Variants in SLC6A18 observed in about 807,000 individuals in gnomAD.
The protein encoded by SLC6A18 is solute carrier family 6 member 18.
In SLC6A18, 58 loss-of-function variants were observed where a neutral mutation model predicts 62.9. The ratio of observed to expected loss-of-function variants is 0.92; its 90% CI spans 0.75 to 1.15. The LOEUF is 1.15. Among genes scored for constraint, SLC6A18 ranks in the 50% most tolerant of loss-of-function variants. The pLI, the probability that SLC6A18 is intolerant of heterozygous loss-of-function variation, is 0.00. For missense variants in SLC6A18, 793 were observed against 836.6 expected (o/e 0.95, Z 0.64); for synonymous variants, 382 against 365.8 (o/e 1.04, Z -0.51).
chr5:1,244,199 T>A lies in SLC6A18; in HGVS notation c.1337-15T>A. ...CCATCCCCTTACCCCCCACACCCCT[T>A]TCCCACTGCCCCAGGGCTGGTCTGC... On this transcript the variant is annotated splice_polypyrimidine_tract_variant and intron_variant, in intron 9 of 11. Transcript: ENST00000324642. 1 of 1,045,472 alleles carries A rather than the reference T, an allele frequency of 9.6e-7. No individual in the cohort carries two copies. Among genetic ancestry groups the A allele is most frequent in the South Asian group, 1.3e-5 (1 of 79,544 alleles). 64.8% of individuals were successfully genotyped at this position (1,045,472 alleles called of 1,614,324 possible).
intron 5 of SLC6A18, among the ~76,000 whole-genome samples, chr5:1,238,394 G>A (rs1485083426): frequency 1.7e-3 from 83 of 50,138 alleles, no homozygotes; most frequent in African/African-American, 5.7e-3. Flanking sequence ...CAGGAAAGAG[G>A]TCAGGTTTGG....
chr5:1,235,500 G>A lies in SLC6A18; in HGVS notation c.459G>A (p.Gln153=), dbSNP rs1746858436. The A allele has an allele frequency of 2.5e-6, 4 of 1,613,830 alleles. No individual in the cohort carries two copies. The Admixed American group carries it at 6.7e-5, about 27-fold the overall frequency. Residue 153 remains glutamine (Q), a synonymous_variant, in exon 4 of 12, where the codon CAG becomes CAA. Transcript: ENST00000324642. ...LNRTGFVEEC[Q]GSSAVSYFWY... ...TTTCAGGGTTTGTGGAGGAGTGCCAGGGCAGCAGCGCCGTGAGCTACTTCT... is the reference window on the plus strand; with the variant it reads ...TTTCAGGGTTTGTGGAGGAGTGCCAAGGCAGCAGCGCCGTGAGCTACTTCT...
At chr5:1,231,520 C>G (rs1333871019) in intron 1 of SLC6A18, among the ~76,000 whole-genome samples, 3 of 152,154 alleles carry the variant, frequency 2.0e-5, no homozygotes, top group Admixed American at 6.5e-5. Context: ...CCCCGGGTTC[C>G]TCGTGGGAAC....
At chr5:1,234,405 G>T (rs891460686) in intron 3 of SLC6A18, among the ~76,000 whole-genome samples, 4 of 152,176 alleles carry the variant, frequency 2.6e-5, no homozygotes, top group Admixed American at 6.5e-5. Flanking sequence ...AGGGTGGGTG[G>T]TCCTGCCAGG....
At chr5:1,234,006 G>C (rs1216430740) in intron 3 of SLC6A18, among the ~76,000 whole-genome samples, 1 of 152,108 alleles carries the variant, frequency 6.6e-6, no homozygotes. Context: ...CTCCCAAAGT[G>C]CTGGGATTAC....
At chr5:1,239,407 T>G (rs375545479) in intron 5 of SLC6A18, 43 bp from the exon 6 acceptor site, 612 of 1,463,818 alleles carry the variant, frequency 4.2e-4, no homozygotes, top group Non-Finnish European at 5.6e-4. Flanking sequence ...CCAGCTCATG[T>G]GGTTTGCCTG....
chr5:1,240,489 T>A, intron 6 of SLC6A18, 42 bp from the exon 7 acceptor site: 1 of 1,610,694 alleles, frequency 6.2e-7, no homozygotes, highest in Non-Finnish European at 8.5e-7. Flanking sequence ...GAGGCCCAGT[T>A]ACCTCCTGCA....
rs749930820 is a variant in SLC6A18, at chr5:1,244,304, C to T, written c.1427C>T (p.Ala476Val). Residue 476 changes from alanine to valine, a missense_variant, in exon 10 of 12, where the codon GCT (alanine) becomes GTT (valine). By Grantham distance (64) the Ala-to-Val change is moderately conservative (BLOSUM62 0). Coordinates refer to ENST00000324642, the MANE Select transcript of SLC6A18 (RefSeq NM_182632.3). Reference protein sequence around the residue: ...YWLEIFDNFAASPNLLMLAFL... With the variant: ...YWLEIFDNFAVSPNLLMLAFL... Reference sequence around the variant, plus strand: ...CTGGAGATTTTCGACAATTTTGCCGCTTCCCCGAACCTGCTCATGTTGGCC... The same window carrying T: ...CTGGAGATTTTCGACAATTTTGCCGTTTCCCCGAACCTGCTCATGTTGGCC... 1.2e-6 allele frequency: 2 copies of T among 1,614,110 alleles called. No individual in the cohort carries two copies. The highest frequency in any genetic ancestry group is 4.5e-5 in the East Asian group (2 of 44,854).
intron 3 of SLC6A18, 41 bp from the exon 4 acceptor site, chr5:1,235,440 T>G (rs757092922): frequency 8.7e-6 from 14 of 1,600,902 alleles, no homozygotes; most frequent in Non-Finnish European, 1.1e-5. Context: ...TGAGGGTGCC[T>G]ACGCCCCACA....
Position 1,243,754 on chromosome 5 carries a change from T to C in SLC6A18, c.1331T>C (p.Leu444Pro). 6.2e-7 allele frequency: 1 copy of C among 1,604,616 alleles called. No individual in the cohort carries two copies. The highest frequency in any genetic ancestry group is 8.5e-7 in the Non-Finnish European group (1 of 1,174,862). The change falls in exon 9 of 12, where the codon CTG (leucine) becomes CCG (proline). Residue 444 changes from leucine to proline, a missense_variant. Leu to Pro is a moderately conservative substitution (Grantham distance 98, BLOSUM62 -3). Transcript: ENST00000324642. This position sits in a 1 kb window ranked among gnomAD's most constrained non-coding sequence, Gnocchi z 6.5. ...CCTAGATGGGTCCCCAAGGAGGCCC[T>C]GACTGGTGAGCGCACAGCTCCGCCG... ...VLPRWVPKEA[L>P]TGLVCLVCFL...
chr5:1,233,008 G>A (rs1367772255), intron 3 of SLC6A18, 120 bp downstream of exon 3: 21 of 1,420,662 alleles, frequency 1.5e-5, no homozygotes, highest in South Asian at 8.3e-5. Flanking sequence ...GGAGGGCCGG[G>A]GAACCGGTTG....
rs1292028906 is a variant in SLC6A18, at chr5:1,241,813, C to T, written c.975-894C>T. Among the ~76,000 whole-genome samples the T allele has an allele frequency of 5.3e-5, 8 of 152,174 alleles. No homozygotes were observed. The highest frequency in any genetic ancestry group is 8.8e-5 in the Non-Finnish European group (6 of 68,026). On this transcript the variant is annotated intron_variant, in intron 7 of 11. Transcript: ENST00000324642. This position sits in a 1 kb window ranked among gnomAD's most constrained non-coding sequence, Gnocchi z 7.8. ...AACTGTAAAAGTGCGCAAATATTGA[C>T]GGGGTTACAAGCACATCTCAATGAG...
Position 1,235,541 on chromosome 5 carries a change from T to C in SLC6A18, c.500T>C (p.Leu167Pro). 1 of 1,614,052 alleles carries C rather than the reference T, an allele frequency of 6.2e-7. No individual in the cohort carries two copies. The highest frequency in any genetic ancestry group is 8.5e-7 in the Non-Finnish European group (1 of 1,180,034). Residue 167 changes from leucine to proline, a missense_variant, in exon 4 of 12, where the codon CTG becomes CCG. Physicochemically the swap from Leu to Pro is moderately conservative, Grantham distance 98. Coordinates refer to ENST00000324642, the MANE Select transcript of SLC6A18 (RefSeq NM_182632.3). ...AVSYFWYRQTLNITADINDSG... is the reference protein window; with the variant it reads ...AVSYFWYRQTPNITADINDSG... ...AGCTACTTCTGGTACCGGCAGACAC[T>C]GAACATCACAGCCGACATCAATGAC...
chr5:1,245,882 C>CGGGCT lies in SLC6A18; in HGVS notation c.1696_1700dup (p.Arg568GlyfsTer?). ...CCCTCGCGTCAGGAGAAGCTCTACC[C>CGGGCT]GGGCTGGGCGCGCGCCGCCTGTGTG... On this transcript the variant is annotated frameshift_variant, in exon 12 of 12. Transcript: ENST00000324642. LOFTEE classifies it low-confidence loss of function (END_TRUNC). 1 of 1,608,300 alleles carries CGGGCT rather than the reference C, an allele frequency of 6.2e-7. No individual in the cohort carries two copies. Among genetic ancestry groups the CGGGCT allele is most frequent in the Admixed American group, 1.7e-5 (1 of 59,928 alleles).
At chr5:1,239,115 G>GC (rs1367964512) in intron 5 of SLC6A18, among the ~76,000 whole-genome samples, 5 of 152,230 alleles carry the variant, frequency 3.3e-5, no homozygotes, top group Admixed American at 1.3e-4. Flanking sequence ...ACCCAGAACC[G>GC]CCCGGTTAGA....
At chr5:1,239,008 C>T (rs1238201057) in intron 5 of SLC6A18, among the ~76,000 whole-genome samples, 1 of 152,202 alleles carries the variant, frequency 6.6e-6, no homozygotes, top group East Asian at 1.9e-4. Context: ...CATGTCTGCC[C>T]GGAGTCCTAG....
intron 5 of SLC6A18, 72 bp downstream of exon 5, chr5:1,238,132 C>G: frequency 2.5e-6 from 3 of 1,223,068 alleles, no homozygotes; most frequent in Non-Finnish European, 3.6e-6. Context: ...GCAGCTCCCT[C>G]CCTCACCTGG....
rs71575516 is a variant in SLC6A18, at chr5:1,238,483, G to A, written c.732+423G>A. ...CAGGAAAGAGGTCAGGTTTGGAGTG[G>A]GCCTGGAGGACTCAGGAAAGACATC... On this transcript the variant is annotated intron_variant, in intron 5 of 11. Coordinates refer to ENST00000324642, the MANE Select transcript of SLC6A18 (RefSeq NM_182632.3). 1.6e-4 allele frequency among the ~76,000 whole-genome samples: 14 copies of A among 88,328 alleles called. 2 individuals are homozygous for A. Among genetic ancestry groups the A allele is most frequent in the East Asian group, 2.3e-4 (1 of 4,354 alleles). The allele number at this position is 88,328 out of a possible 152,430, so 57.9% of individuals were successfully genotyped here.
chr5:1,238,304 A>AGGAGGACTTCGGTCTGGGGCAGGT (rs1746946721), intron 5 of SLC6A18, among the ~76,000 whole-genome samples: 2 of 92,052 alleles, frequency 2.2e-5, no homozygotes. Context: ...GTGGGCCTGG[A>AGGAGGACTTCGGTCTGGGGCAGGT]GGACTCAGGA....
Sources: gnomAD v4.1 joint callset for allele counts (sites outside exome capture counted in the v4.1 genomes callset) on GRCh38, gnomAD v4.1.1 for gene constraint, Gnocchi (gnomAD v3.1) non-coding constraint, MANE v1.5 for transcripts, NCBI Gene and HGNC (gene_info 2026-07-23, HGNC 2026-07-21) for gene names.